Variants in SEPTIN12 observed in about 807,000 individuals in gnomAD.
The protein encoded by SEPTIN12 is septin-12.
SEPTIN12 carries 42 observed loss-of-function variants against 37.7 expected under a neutral mutation model. That is an observed-to-expected ratio of 1.11 (90% confidence interval 0.87 to 1.44). The LOEUF (loss-of-function observed/expected upper bound fraction) is 1.44. Ranked by LOEUF, SEPTIN12 falls within the 40% of genes most tolerant of loss-of-function variation. The pLI, the probability that SEPTIN12 is intolerant of heterozygous loss-of-function variation, is 0.00. For missense variants in SEPTIN12, 613 were observed against 479.2 expected (o/e 1.28, Z -2.61); for synonymous variants, 254 against 196.7 (o/e 1.29, Z -2.44).
chr16:4,781,076 T>C (rs1189303461), intron 7 of SEPTIN12, among the ~76,000 whole-genome samples: 1 of 151,632 alleles, frequency 6.6e-6, no homozygotes, highest in Non-Finnish European at 1.5e-5. Context: ...CTGGCTGAAA[T>C]AGTGAAACCC....
chr16:4,778,243 C>T, intron 8 of SEPTIN12, 106 bp from the exon 9 acceptor site: 1 of 1,164,686 alleles, frequency 8.6e-7, no homozygotes, highest in South Asian at 1.3e-5. Context: ...TCCCACATTT[C>T]TCTTTACCCT....
chr16:4,786,051 A>T lies in SEPTIN12; in HGVS notation c.221T>A (p.Val74Glu), dbSNP rs2082439445. Residue 74 changes from valine (V) to glutamate (E), a missense_variant, in exon 3 of 10, where the codon GTG becomes GAG. Val to Glu is a moderately radical substitution (Grantham distance 121). Transcript: ENST00000268231. ...CAAGCCCGGTGGGTTTGACTTCCACACTTTGGACTTGAACAGCGTGTTCAC... is the reference window on the plus strand; with the variant it reads ...CAAGCCCGGTGGGTTTGACTTCCACTCTTTGGACTTGAACAGCGTGTTCAC... Reference protein sequence around the residue: ...TMVNTLFKSKVWKSNPPGLGV... With the variant: ...TMVNTLFKSKEWKSNPPGLGV... The T allele has an allele frequency of 6.2e-7, 1 of 1,613,970 alleles. No individual in the cohort carries two copies. Among genetic ancestry groups the T allele is most frequent in the Non-Finnish European group, 8.5e-7 (1 of 1,179,958 alleles).
Position 4,784,637 on chromosome 16 carries a change from G to C in SEPTIN12, c.375-569C>G, listed in dbSNP as rs539275243. 4.7e-3 allele frequency among the ~76,000 whole-genome samples: 464 copies of C among 99,766 alleles called. 2 individuals are homozygous for C. Among genetic ancestry groups the C allele is most frequent in the African/African-American group, 0.013 (408 of 32,002 alleles). 65.5% of individuals were successfully genotyped at this position (99,766 alleles called of 152,430 possible). On this transcript the variant is annotated intron_variant, in intron 4 of 9. Coordinates refer to ENST00000268231, the MANE Select transcript of SEPTIN12 (RefSeq NM_144605.5). ...ATACACAAATTAGCTCGGTGGGGTG[G>C]CACGTGCCTGTGGTCACAGCTACTC...
At chr16:4,779,617 C>T (rs1247518575) in intron 8 of SEPTIN12, 73 bp downstream of exon 8, 11 of 898,882 alleles carry the variant, frequency 1.2e-5, no homozygotes, top group South Asian at 3.9e-5. Flanking sequence ...GTGATGGGTG[C>T]GAAGGTTGCC....
In SEPTIN12 at chr16:4,785,837, C is replaced by A; in HGVS notation, c.344G>T (p.Gly115Val). Residue 115 changes from glycine (G) to valine (V), a missense_variant, in exon 4 of 10, where the codon GGC becomes GTC. Coordinates refer to ENST00000268231, the MANE Select transcript of SEPTIN12 (RefSeq NM_144605.5). Reference sequence around the variant, plus strand: ...GTCATTGTTGATCTGGTCCCCGAAGCCGGGCGTGTCCGTCACCGTCAGCTT... The same window carrying A: ...GTCATTGTTGATCTGGTCCCCGAAGACGGGCGTGTCCGTCACCGTCAGCTT... ...KLKLTVTDTP[G>V]FGDQINNDNC... is the part of the protein sequence containing the mutation. 6.2e-7 allele frequency: 1 copy of A among 1,612,986 alleles called. No homozygotes were observed. Among genetic ancestry groups the A allele is most frequent in the Non-Finnish European group, 8.5e-7 (1 of 1,179,696 alleles).
upstream of SEPTIN12, among the ~76,000 whole-genome samples, chr16:4,790,496 A>C (rs570198651): frequency 2.0e-4 from 31 of 152,298 alleles, no homozygotes; most frequent in Non-Finnish European, 3.4e-4. Context: ...AAAGGCTTAG[A>C]GGCTAGGGGT....
Position 4,783,530 on chromosome 16 carries a change from T to A in SEPTIN12, c.658A>T (p.Ile220Phe). 1 of 1,614,192 alleles carries A rather than the reference T, an allele frequency of 6.2e-7. No individual in the cohort carries two copies. The highest frequency in any genetic ancestry group is 1.1e-5 in the South Asian group (1 of 91,086). ...RIQQNLRTHC[I>F]DVYPQMCFDE... ...AAGCACATCTGGGGGTAGACGTCGATGCAGTGGGTCCTCAGGTTCTGCTGG... is the reference window on the plus strand; with the variant it reads ...AAGCACATCTGGGGGTAGACGTCGAAGCAGTGGGTCCTCAGGTTCTGCTGG... Residue 220 changes from isoleucine (I) to phenylalanine (F), a missense_variant, in exon 7 of 10, where the codon ATC becomes TTC. Coordinates refer to ENST00000268231, the MANE Select transcript of SEPTIN12 (RefSeq NM_144605.5).
chr16:4,789,333 T>TA (rs201749795), upstream of SEPTIN12, among the ~76,000 whole-genome samples: 882 of 146,872 alleles, frequency 6.0e-3, 7 homozygotes, highest in African/African-American at 0.021. Context: ...CCTTTTTTTC[T>TA]TTTTTTTTTT....
chr16:4,784,769 C>CTAAATAAA lies in SEPTIN12; in HGVS notation c.375-709_375-702dup, dbSNP rs55943515. Among the ~76,000 whole-genome samples, 485 of 136,316 alleles carry CTAAATAAA rather than the reference C, an allele frequency of 3.6e-3. 1 individual carries two copies. Among genetic ancestry groups the CTAAATAAA allele is most frequent in the South Asian group, 0.019 (74 of 3,924 alleles). The allele number at this position is 136,316 out of a possible 152,430, so 89.4% of individuals were successfully genotyped here. ...TGGGAAACAGACTGAGACACTGTCT[C>CTAAATAAA]TAAATAAATAAATAAATAAATAAAT... On this transcript the variant is annotated intron_variant, in intron 4 of 9. Coordinates refer to ENST00000268231, the MANE Select transcript of SEPTIN12 (RefSeq NM_144605.5).
intron 7 of SEPTIN12, among the ~76,000 whole-genome samples, chr16:4,781,621 C>A (rs947281365): frequency 2.6e-5 from 4 of 151,300 alleles, no homozygotes; most frequent in Non-Finnish European, 5.9e-5. Flanking sequence ...CTGTAGCAGG[C>A]AGGTGACAGG....
At position 4,787,780 on chromosome 16, in the gene SEPTIN12, C is replaced by G; in HGVS notation, c.-22-113G>C. ...TGGCCGTTGGCCAACCCCCTCCACA[C>G]TTCATGCCTCTGGTGTACCCTAAGT... On this transcript the variant is annotated intron_variant, in intron 1 of 9. Transcript: ENST00000268231. 3 of 607,328 alleles carry G rather than the reference C, an allele frequency of 4.9e-6. No homozygotes were observed. In the South Asian group the frequency reaches 5.9e-5, roughly 12 times the overall value. The allele number at this position is 607,328 out of a possible 1,614,324, so 37.6% of individuals were successfully genotyped here. A position where few individuals can be genotyped will look rare whatever the true frequency, so the allele number is the denominator to read the frequency against.
At chr16:4,791,758 G>A (rs373182653), upstream of SEPTIN12, among the ~76,000 whole-genome samples, 1 of 152,106 alleles carries the variant, frequency 6.6e-6, no homozygotes, top group Admixed American at 6.6e-5. Flanking sequence ...CGAGATCTTG[G>A]CTCCCTGCAA....
intron 7 of SEPTIN12, 103 bp downstream of exon 7, chr16:4,783,359 A>G (rs1307168118): frequency 2.3e-6 from 2 of 887,190 alleles, no homozygotes; most frequent in Non-Finnish European, 1.9e-6. Context: ...TGCTAGGAAT[A>G]TGTGCACATT....
At chr16:4,786,277 T>C (rs1304348619) in intron 2 of SEPTIN12, among the ~76,000 whole-genome samples, 172 bp from the exon 3 acceptor site, 1 of 151,308 alleles carries the variant, frequency 6.6e-6, no homozygotes, top group East Asian at 1.9e-4. Context: ...CAGACTCTAG[T>C]GATTCTCGCA....
At chr16:4,787,409 G>C in intron 2 of SEPTIN12, 71 bp downstream of exon 2, 2 of 1,419,468 alleles carry the variant, frequency 1.4e-6, no homozygotes, top group Non-Finnish European at 2.0e-6. Flanking sequence ...GGCTGCCAAA[G>C]GTGAGGCCAC....
chr16:4,783,864 G>A, intron 5 of SEPTIN12, 67 bp downstream of exon 5: 2 of 1,607,346 alleles, frequency 1.2e-6, no homozygotes, highest in South Asian at 1.1e-5. Context: ...AGCCCATGGT[G>A]GGGACCCCTT....
intron 4 of SEPTIN12, 97 bp from the exon 5 acceptor site, chr16:4,784,165 G>C (rs2082407698): frequency 4.2e-6 from 6 of 1,445,350 alleles, no homozygotes; most frequent in Middle Eastern, 1.8e-4. Context: ...CCCTTGGGAC[G>C]ACGAATCGTC....
At chr16:4,784,581 G>A (rs2082413003) in intron 4 of SEPTIN12, among the ~76,000 whole-genome samples, 1 of 98,268 alleles carries the variant, frequency 1.0e-5, no homozygotes, top group Non-Finnish European at 2.4e-5. Context: ...GCTAGCCTGG[G>A]CAACATGGGG....
At chr16:4,778,266 C>T in intron 8 of SEPTIN12, 129 bp from the exon 9 acceptor site, 2 of 977,752 alleles carry the variant, frequency 2.0e-6, no homozygotes, top group East Asian at 2.6e-5. Flanking sequence ...CCTGCCTTCC[C>T]TTTGTTGGTT....
Sources: gnomAD v4.1 joint callset for allele counts (sites outside exome capture counted in the v4.1 genomes callset) on GRCh38, gnomAD v4.1.1 for gene constraint, MANE v1.5 for transcripts, NCBI Gene and HGNC (gene_info 2026-07-23, HGNC 2026-07-21) for gene names.